Variants in DNAH14 observed in about 807,000 individuals in gnomAD.
The protein encoded by DNAH14 is axonemal beta dynein heavy chain 14.
In DNAH14, 478 loss-of-function variants were observed where a neutral mutation model predicts 520.9. That is an observed-to-expected ratio of 0.92 (90% CI 0.85 to 0.99). The LOEUF is 0.99. Ranked by LOEUF, DNAH14 falls within the 50% of genes least tolerant of loss-of-function variation. DNAH14 has a pLI of 0.00. For missense variants in DNAH14, 4,831 were observed against 5,234.5 expected (o/e 0.92, Z 2.38); for synonymous variants, 1,581 against 1,757.2 (o/e 0.90, Z 2.51).
At chr1:225,377,655 G>A (rs546949611) in intron 79 of DNAH14, among the ~76,000 whole-genome samples, 7 of 152,168 alleles carry the variant, frequency 4.6e-5, no homozygotes, top group South Asian at 2.1e-4. Flanking sequence ...AGTAACTTGC[G>A]AGGCTGAGAC....
At chr1:225,367,618 G>A (rs2095569902) in intron 76 of DNAH14, among the ~76,000 whole-genome samples, 187 bp from the exon 77 acceptor site, 2 of 152,176 alleles carry the variant, frequency 1.3e-5, no homozygotes, top group African/African-American at 4.8e-5. Context: ...GAAAATCTGG[G>A]ACAATCCTTT....
chr1:225,076,967 C>T (rs142457958), intron 17 of DNAH14, among the ~76,000 whole-genome samples: 1,772 of 152,216 alleles, frequency 0.012, 128 homozygotes, highest in Admixed American at 0.11. Context: ...CAACAGGCCC[C>T]GGTGTGTGAT....
intron 41 of DNAH14, among the ~76,000 whole-genome samples, chr1:225,220,156 C>G (rs2089900273): frequency 6.6e-6 from 1 of 152,082 alleles, no homozygotes; most frequent in African/African-American, 2.4e-5. Context: ...TAGAACATAT[C>G]TCAAAATAAT....
intron 60 of DNAH14, among the ~76,000 whole-genome samples, chr1:225,310,832 T>G (rs141706535): frequency 1.7e-4 from 26 of 152,352 alleles, no homozygotes; most frequent in African/African-American, 6.0e-4. Context: ...CACATTTTCT[T>G]AATCCAGTCT....
chr1:225,216,337 T>A (rs768678946), intron 41 of DNAH14, among the ~76,000 whole-genome samples: 5 of 152,236 alleles, frequency 3.3e-5, no homozygotes, highest in Admixed American at 6.5e-5. Context: ...TGTTTTTTCC[T>A]TCATTTCAAC....
intron 21 of DNAH14, among the ~76,000 whole-genome samples, chr1:225,089,709 A>G (rs2074199981): frequency 6.6e-6 from 1 of 152,158 alleles, no homozygotes; most frequent in South Asian, 2.1e-4. Context: ...GCCATATTAA[A>G]CATAAACAGG....
intron 83 of DNAH14, among the ~76,000 whole-genome samples, chr1:225,390,805 C>T (rs369728707): frequency 1.3e-4 from 20 of 152,168 alleles, no homozygotes; most frequent in African/African-American, 4.8e-4. Context: ...TGAGGTTGTT[C>T]CTGTAACTAT....
At chr1:225,272,814 C>A (rs1355962009) in intron 51 of DNAH14, 141 bp from the exon 52 acceptor site, 5 of 840,122 alleles carry the variant, frequency 6.0e-6, no homozygotes, top group African/African-American at 5.3e-5. Context: ...TTCAGATTAT[C>A]ACTTGTAGAA....
chr1:224,946,574 A>C lies in DNAH14; in HGVS notation c.-33-6096A>C, dbSNP rs1043006076. Reference sequence around the variant, plus strand: ...TGTCTTCTGCATTGCTCATGCTGGGAGCTGTAGACTGGAGATGTTCCTATT... The same window carrying C: ...TGTCTTCTGCATTGCTCATGCTGGGCGCTGTAGACTGGAGATGTTCCTATT... On this transcript the variant is annotated intron_variant, in intron 1 of 85. Coordinates refer to ENST00000682510, the MANE Select transcript of DNAH14 (RefSeq NM_001367479.1). Among the ~76,000 whole-genome samples, 9 of 152,274 alleles carry C rather than the reference A, an allele frequency of 5.9e-5. No individual in the cohort carries two copies. In the East Asian group the frequency reaches 1.5e-3, roughly 26 times the overall value.
chr1:225,344,357 T>A (rs979971527), intron 69 of DNAH14, among the ~76,000 whole-genome samples: 5 of 152,152 alleles, frequency 3.3e-5, no homozygotes, highest in African/African-American at 1.2e-4. Context: ...ATTAGTTATT[T>A]TCCTGATTCT....
chr1:225,148,477 C>T, intron 31 of DNAH14, among the ~76,000 whole-genome samples: 1 of 145,378 alleles, frequency 6.9e-6, no homozygotes, highest in East Asian at 2.1e-4. Context: ...TCTCAGCTCA[C>T]TGCAGCCTCC....
At chr1:225,138,765 T>C (rs906480589) in intron 27 of DNAH14, among the ~76,000 whole-genome samples, 32 of 152,130 alleles carry the variant, frequency 2.1e-4, no homozygotes, top group African/African-American at 7.5e-4. Context: ...GGCTCCATGC[T>C]ATTCCCCGCT....
chr1:225,382,617 G>A (rs1184057329), intron 81 of DNAH14, among the ~76,000 whole-genome samples: 1 of 151,982 alleles, frequency 6.6e-6, no homozygotes, highest in Admixed American at 6.6e-5. Context: ...GTGAGGCTAA[G>A]GGAGGAGAAT....
intron 23 of DNAH14, among the ~76,000 whole-genome samples, chr1:225,106,782 T>A (rs1296323026): frequency 6.6e-6 from 1 of 152,198 alleles, no homozygotes; most frequent in Non-Finnish European, 1.5e-5. Flanking sequence ...GCCATTCATC[T>A]AATTTTTTTT....
In DNAH14 at chr1:225,333,519, T is replaced by C. The variant is rs1340404773; in HGVS notation, c.10080+13T>C. On this transcript the variant is annotated intron_variant, in intron 66 of 85. Coordinates refer to ENST00000682510, the MANE Select transcript of DNAH14 (RefSeq NM_001367479.1). ...ACAAAAATATGAGGTAATAACATAT[T>C]TCTATTATCCAGTTAAGTGGCTATT... 1.3e-6 allele frequency: 2 copies of C among 1,542,686 alleles called. No individual in the cohort carries two copies. The highest frequency in any genetic ancestry group is 2.0e-5 in the Admixed American group (1 of 50,918).
chr1:225,206,805 T>C (rs1362855985), intron 40 of DNAH14, among the ~76,000 whole-genome samples, 163 bp from the exon 41 acceptor site: 1 of 152,194 alleles, frequency 6.6e-6, no homozygotes, highest in Non-Finnish European at 1.5e-5. Flanking sequence ...TTCCAGAGAA[T>C]GTTAATTCCT....
intron 7 of DNAH14, 179 bp downstream of exon 7, chr1:224,969,053 A>G: frequency 6.7e-6 from 3 of 449,812 alleles, no homozygotes; most frequent in Non-Finnish European, 1.2e-5. Flanking sequence ...AAATGCCAAT[A>G]ATTTTGGCAT....
At chr1:225,379,515 CTTTCCT>C (rs1192456512) in intron 79 of DNAH14, among the ~76,000 whole-genome samples, 9 of 151,766 alleles carry the variant, frequency 5.9e-5, no homozygotes, top group African/African-American at 2.2e-4. Flanking sequence ...TTTTATTTTC[CTTTCCT>C]TTTCTTTTTT....
chr1:225,194,138 C>T (rs1024324576), intron 38 of DNAH14, among the ~76,000 whole-genome samples: 1 of 152,068 alleles, frequency 6.6e-6, no homozygotes, highest in Non-Finnish European at 1.5e-5. Flanking sequence ...CAATTACAGA[C>T]TTAATGCTAT....
Sources: gnomAD v4.1 joint callset for allele counts (sites outside exome capture counted in the v4.1 genomes callset) on GRCh38, gnomAD v4.1.1 for gene constraint, MANE v1.5 for transcripts, NCBI Gene and HGNC (gene_info 2026-07-23, HGNC 2026-07-21) for gene names.